The following NXPH1 variants were observed in gnomAD, a reference collection of about 807,000 sequenced individuals.
NXPH1 encodes neurexophilin 1.
NXPH1 carries 5 observed loss-of-function variants against 23.7 expected under a neutral mutation model. The ratio of observed to expected loss-of-function variants is 0.21; its 90% CI spans 0.11 to 0.44. The LOEUF is 0.44. Among genes scored for constraint, NXPH1 ranks in the 20% least tolerant of loss-of-function variants. The pLI is 0.99. For synonymous variants in NXPH1, 144 were observed against 122.2 expected (o/e 1.18, Z -1.18); for missense variants, 324 against 321.6 (o/e 1.01, Z -0.06).
chr7:8,524,753 TC>T (rs1188513041), intron 2 of NXPH1, among the ~76,000 whole-genome samples: 1 of 152,168 alleles, frequency 6.6e-6, no homozygotes, highest in East Asian at 1.9e-4. Flanking sequence ...ATCAGGGGTT[TC>T]CACTTTTGCT....
chr7:8,640,726 CAGG>C (rs1820294707), intron 2 of NXPH1, among the ~76,000 whole-genome samples: 1 of 152,072 alleles, frequency 6.6e-6, no homozygotes, highest in Non-Finnish European at 1.5e-5. Flanking sequence ...GAGGTCAAGG[CAGG>C]AGGACTGCTA....
chr7:8,600,594 G>A (rs144586548), intron 2 of NXPH1, among the ~76,000 whole-genome samples: 23 of 152,310 alleles, frequency 1.5e-4, no homozygotes, highest in African/African-American at 4.6e-4. Context: ...GAGATCAGAC[G>A]TAGATGTTCA....
At chr7:8,546,966 G>A (rs1302339830) in intron 2 of NXPH1, among the ~76,000 whole-genome samples, 1 of 151,342 alleles carries the variant, frequency 6.6e-6, no homozygotes, top group Non-Finnish European at 1.5e-5. Flanking sequence ...GATGATACTG[G>A]CCTTGGACTT....
intron 2 of NXPH1, among the ~76,000 whole-genome samples, chr7:8,594,206 C>T (rs2189465): frequency 0.41 from 61,701 of 151,866 alleles, 14,714 homozygotes; most frequent in African/African-American, 0.68. Flanking sequence ...TGAAATGACA[C>T]GCATACAAGC....
chr7:8,659,532 T>C (rs1223157876), intron 2 of NXPH1, among the ~76,000 whole-genome samples: 1 of 151,944 alleles, frequency 6.6e-6, no homozygotes. Flanking sequence ...AATTGAACAA[T>C]GAGAACACTT....
At chr7:8,733,558 T>G (rs909296677) in intron 2 of NXPH1, among the ~76,000 whole-genome samples, 1 of 152,242 alleles carries the variant, frequency 6.6e-6, no homozygotes, top group African/African-American at 2.4e-5. Context: ...TCCTGACTTT[T>G]TAATGATCAC....
chr7:8,574,975 G>A (rs1818724898), intron 2 of NXPH1, among the ~76,000 whole-genome samples: 2 of 152,204 alleles, frequency 1.3e-5, no homozygotes, highest in Non-Finnish European at 2.9e-5. Flanking sequence ...TTGGTTAAGA[G>A]AGTGAGGTAC....
At chr7:8,588,377 G>T (rs1819021087) in intron 2 of NXPH1, among the ~76,000 whole-genome samples, 1 of 152,062 alleles carries the variant, frequency 6.6e-6, no homozygotes, top group Non-Finnish European at 1.5e-5. Flanking sequence ...CTAACTCAAA[G>T]AAGAGGGAAT....
chr7:8,731,116 C>G (rs976936254), intron 2 of NXPH1, among the ~76,000 whole-genome samples: 2 of 151,908 alleles, frequency 1.3e-5, no homozygotes, highest in African/African-American at 4.8e-5. Context: ...GATACCCTTT[C>G]TTCCAGTTGA....
At chr7:8,519,974 A>G (rs969734624) in intron 2 of NXPH1, among the ~76,000 whole-genome samples, 1 of 152,136 alleles carries the variant, frequency 6.6e-6, no homozygotes, top group African/African-American at 2.4e-5. Context: ...CTACAGATAA[A>G]TTTCTAGTGT....
At chr7:8,682,118 C>T (rs1821063504) in intron 2 of NXPH1, among the ~76,000 whole-genome samples, 1 of 152,040 alleles carries the variant, frequency 6.6e-6, no homozygotes, top group Non-Finnish European at 1.5e-5. Context: ...CTTGAGTATG[C>T]CTGTTTCATT....
At position 8,477,874 on chromosome 7, in the gene NXPH1, T is replaced by A. The variant is rs780671334; in HGVS notation, c.54+42107T>A. 4.1e-4 allele frequency among the ~76,000 whole-genome samples: 63 copies of A among 152,276 alleles called. 1 individual carries two copies. The highest frequency in any genetic ancestry group is 3.4e-3 in the Middle Eastern group (1 of 294). ...CACGTAAGCTGATTGTCCAGGGACT[T>A]TATTACAATTACGTGTTTGAATTTC... On this transcript the variant is annotated intron_variant, in intron 2 of 2. Transcript: ENST00000405863.
In NXPH1 at chr7:8,435,521, G is replaced by C. The variant is rs1202475245; in HGVS notation, c.-110-83G>C. ...TTTTTTTTTTGGTCCCCCACTCCCC[G>C]CTACGACCCCCTTTCCCCGCTTGAT... is the stretch of plus-strand genomic sequence containing the variant. On this transcript the variant is annotated intron_variant, in intron 1 of 2. Coordinates refer to ENST00000405863, the MANE Select transcript of NXPH1 (RefSeq NM_152745.3). This position sits in a 1 kb window ranked among gnomAD's most constrained non-coding sequence, Gnocchi z 5.9. 2.2e-4 allele frequency: 97 copies of C among 440,432 alleles called. No individual in the cohort carries two copies. The highest frequency in any genetic ancestry group is 7.4e-4 in the South Asian group (19 of 25,614). 27.3% of individuals were successfully genotyped at this position (440,432 alleles called of 1,614,324 possible).
intron 2 of NXPH1, among the ~76,000 whole-genome samples, chr7:8,688,267 C>T (rs1406419561): frequency 6.6e-6 from 1 of 152,076 alleles, no homozygotes; most frequent in African/African-American, 2.4e-5. Context: ...GAAATATAAA[C>T]TTTTTAATAA....
intron 2 of NXPH1, among the ~76,000 whole-genome samples, chr7:8,737,993 A>G (rs2115224557): frequency 6.6e-6 from 1 of 152,288 alleles, no homozygotes; most frequent in African/African-American, 2.4e-5. Flanking sequence ...CAGGTCATTT[A>G]TGTTCTTCTC....
At chr7:8,469,619 T>C (rs574226360) in intron 2 of NXPH1, among the ~76,000 whole-genome samples, 12 of 152,118 alleles carry the variant, frequency 7.9e-5, no homozygotes, top group Non-Finnish European at 1.6e-4. Context: ...ACTTACATCT[T>C]ATATTGAATA....
At chr7:8,592,712 A>G (rs1819124685) in intron 2 of NXPH1, among the ~76,000 whole-genome samples, 2 of 152,034 alleles carry the variant, frequency 1.3e-5, no homozygotes. Flanking sequence ...GTTTTAGTAC[A>G]AAAGCAGCTG....
intron 2 of NXPH1, among the ~76,000 whole-genome samples, chr7:8,741,206 A>G (rs1301639167): frequency 6.6e-6 from 1 of 152,162 alleles, no homozygotes; most frequent in Non-Finnish European, 1.5e-5. Context: ...CCATGCTGCT[A>G]CAAATGACAG....
chr7:8,447,512 C>G (rs1816426451), intron 2 of NXPH1, among the ~76,000 whole-genome samples: 1 of 152,188 alleles, frequency 6.6e-6, no homozygotes, highest in Non-Finnish European at 1.5e-5. Flanking sequence ...AGCTTTTCAA[C>G]CTTATTTCTT....
Sources: gnomAD v4.1 joint callset for allele counts (sites outside exome capture counted in the v4.1 genomes callset) on GRCh38, gnomAD v4.1.1 for gene constraint, Gnocchi (gnomAD v3.1) non-coding constraint, MANE v1.5 for transcripts, NCBI Gene and HGNC (gene_info 2026-07-23, HGNC 2026-07-21) for gene names.